Variants in KDM5A observed in about 807,000 individuals in gnomAD.
The protein encoded by KDM5A is lysine-specific demethylase 5A.
A neutral mutation model predicts 193.5 loss-of-function variants in KDM5A; 42 were observed. The ratio of observed to expected loss-of-function variants is 0.22; its 90% CI spans 0.17 to 0.28. The LOEUF is 0.28. Ranked by LOEUF, KDM5A falls within the 10% of genes least tolerant of loss-of-function variation. The probability of loss-of-function intolerance (pLI) is 1.00; values close to 1 mark genes in which losing one functional copy is unlikely to be tolerated. For synonymous variants in KDM5A, 796 were observed against 718.1 expected (o/e 1.11, Z -1.73); for missense variants, 1,692 against 2,055.1 (o/e 0.82, Z 3.42).
chr12:336,940 T>C (rs1390659899), intron 10 of KDM5A, among the ~76,000 whole-genome samples: 1 of 152,080 alleles, frequency 6.6e-6, no homozygotes, highest in Non-Finnish European at 1.5e-5. Context: ...GTGATCATCA[T>C]GGGTTTGGAT....
At chr12:383,549 G>A (rs1032927316) in intron 3 of KDM5A, among the ~76,000 whole-genome samples, 1 of 151,890 alleles carries the variant, frequency 6.6e-6, no homozygotes, top group Non-Finnish European at 1.5e-5. Context: ...AAAAAAAGAT[G>A]ACAAGCTCAA....
chr12:288,891 A>C (rs191232543), intron 27 of KDM5A, among the ~76,000 whole-genome samples: 1 of 152,378 alleles, frequency 6.6e-6, no homozygotes, highest in Admixed American at 6.5e-5. Flanking sequence ...TGGGACAGTT[A>C]GTCACTCTAG....
chr12:292,277 G>A (rs1398482125), intron 27 of KDM5A, among the ~76,000 whole-genome samples: 1 of 152,138 alleles, frequency 6.6e-6, no homozygotes, highest in Non-Finnish European at 1.5e-5. Flanking sequence ...CCATTTAGGA[G>A]GGTGCCCACA....
chr12:388,099 CA>C (rs896898655), intron 1 of KDM5A: 3 of 253,210 alleles, frequency 1.2e-5, no homozygotes, highest in African/African-American at 6.7e-5. Flanking sequence ...GACCCTGGTG[CA>C]AGTGGTCCAG....
At chr12:344,938 G>A (rs1207620636) in intron 10 of KDM5A, among the ~76,000 whole-genome samples, 1 of 152,092 alleles carries the variant, frequency 6.6e-6, no homozygotes. Flanking sequence ...AATGTAAATG[G>A]GCTAAATGCC....
chr12:320,354 G>A (rs980118899), intron 18 of KDM5A, among the ~76,000 whole-genome samples: 1 of 152,048 alleles, frequency 6.6e-6, no homozygotes, highest in African/African-American at 2.4e-5. Flanking sequence ...AAATTAGCTG[G>A]GCATAGTGGC....
chr12:361,599 G>A (rs1442195632), intron 5 of KDM5A, among the ~76,000 whole-genome samples: 1 of 152,144 alleles, frequency 6.6e-6, no homozygotes, highest in Non-Finnish European at 1.5e-5. Context: ...CTGGTGATTG[G>A]TTAGATGGAC....
chr12:355,862 T>C (rs1476490409), intron 6 of KDM5A, among the ~76,000 whole-genome samples: 3 of 152,224 alleles, frequency 2.0e-5, no homozygotes, highest in Non-Finnish European at 4.4e-5. Context: ...CTAATCTTTG[T>C]TAAACAGTTT....
chr12:360,321 T>A (rs1372762496), intron 5 of KDM5A, among the ~76,000 whole-genome samples: 9 of 151,010 alleles, frequency 6.0e-5, no homozygotes, highest in African/African-American at 2.2e-4. Flanking sequence ...CAGGCAGTAC[T>A]TGAAATCACA....
rs374793802 is a variant in KDM5A, at chr12:385,934, C to T, written c.206G>A (p.Arg69His). ...CAGGCGCTGGACTCTTGGAGTGAAA[C>T]GAAAGCTTTTTACTTCACAGGCAAA... ...PPFACEVKSFRFTPRVQRLNE... is the reference protein window; with the variant it reads ...PPFACEVKSFHFTPRVQRLNE... The change falls in exon 2 of 28, where the codon CGT becomes CAT. Residue 69 changes from arginine to histidine, a missense_variant. Arg to His is a conservative substitution (Grantham distance 29). Around this residue, in one of 11 missense-constraint regions of KDM5A, gnomAD observed 120 missense variants for 172.0 expected, o/e 0.70. Transcript: ENST00000399788. 4.8e-5 allele frequency: 77 copies of T among 1,613,672 alleles called. No homozygotes were observed. The highest frequency in any genetic ancestry group is 5.8e-5 in the Non-Finnish European group (69 of 1,179,878).
At chr12:377,274 T>C (rs776105749) in intron 3 of KDM5A, among the ~76,000 whole-genome samples, 8 of 151,964 alleles carry the variant, frequency 5.3e-5, no homozygotes, top group Non-Finnish European at 7.4e-5. Context: ...ATGTCTAACA[T>C]CTAACTAATA....
Position 292,822 on chromosome 12 carries a change from C to T in KDM5A, c.4803G>A (p.Glu1601=), listed in dbSNP as rs755372333. 1.9e-6 allele frequency: 3 copies of T among 1,614,146 alleles called. No individual in the cohort carries two copies. The highest frequency in any genetic ancestry group is 2.5e-6 in the Non-Finnish European group (3 of 1,180,050). ...ACACAGCATTCTCATCATCAGACTCCTCTGCTCCTGACCAGTCATACTTTG... is the reference window on the plus strand; with the variant it reads ...ACACAGCATTCTCATCATCAGACTCTTCTGCTCCTGACCAGTCATACTTTG... ...IPSKYDWSGA[E]ESDDENAVCA... Residue 1601 remains glutamate, a synonymous_variant, in exon 27 of 28, where the codon GAG becomes GAA. Transcript: ENST00000399788.
chr12:314,015 A>G (rs1943620969), intron 19 of KDM5A, among the ~76,000 whole-genome samples: 1 of 152,116 alleles, frequency 6.6e-6, no homozygotes, highest in African/African-American at 2.4e-5. Context: ...AGAGTGGGGC[A>G]GGAAAAAGGA....
intron 27 of KDM5A, among the ~76,000 whole-genome samples, chr12:289,189 A>C (rs1307644721): frequency 6.6e-6 from 1 of 152,194 alleles, no homozygotes; most frequent in East Asian, 1.9e-4. Flanking sequence ...GAAGAGAAAA[A>C]GACTATTTTC....
At chr12:342,854 G>A (rs1356255685) in intron 10 of KDM5A, among the ~76,000 whole-genome samples, 3 of 151,594 alleles carry the variant, frequency 2.0e-5, no homozygotes, top group Non-Finnish European at 4.4e-5. Flanking sequence ...AGCTTCCAGC[G>A]TGCTCAACGC....
intron 20 of KDM5A, 54 bp from the exon 21 acceptor site, chr12:311,118 A>G: frequency 6.5e-7 from 1 of 1,543,114 alleles, no homozygotes; most frequent in African/African-American, 1.4e-5. Flanking sequence ...GGGTTTGGCA[A>G]TATACTGTTG....
At position 308,007 on chromosome 12, in the gene KDM5A, T is replaced by C. The variant is rs767552662; in HGVS notation, c.3379-2A>G. ...CTCCCGTTCTTTGAAAACTGCCACCTGTACAAGACAAACATTTAATTGAAA... is the reference window on the plus strand; with the variant it reads ...CTCCCGTTCTTTGAAAACTGCCACCCGTACAAGACAAACATTTAATTGAAA... On this transcript the variant is annotated splice_acceptor_variant, in intron 22 of 27. Coordinates refer to ENST00000399788, the MANE Select transcript of KDM5A (RefSeq NM_001042603.3). LOFTEE classifies it high-confidence loss of function. 6.2e-7 allele frequency: 1 copy of C among 1,613,760 alleles called. No homozygotes were observed. Among genetic ancestry groups the C allele is most frequent in the Non-Finnish European group, 8.5e-7 (1 of 1,179,898 alleles).
intron 3 of KDM5A, among the ~76,000 whole-genome samples, chr12:379,343 C>T (rs965899818): frequency 2.6e-5 from 4 of 152,054 alleles, no homozygotes; most frequent in African/African-American, 9.7e-5. Context: ...AATAGTCACC[C>T]AATGATAAAG....
In KDM5A at chr12:307,569, G is replaced by C. The variant is rs1388597811; in HGVS notation, c.3815C>G (p.Ala1272Gly). 6.2e-7 allele frequency: 1 copy of C among 1,614,108 alleles called. No homozygotes were observed. ...GCTCAACACAGATAGTTTGGCCAGG[G>C]CAGAGGATAGTTCATCTGTGGCTAG... ...QALATDELSS[A>G]LAKLSVLSQR... Residue 1272 changes from alanine to glycine, a missense_variant, in exon 23 of 28, where the codon GCC (alanine) becomes GGC (glycine). By Grantham distance (60) the Ala-to-Gly change is moderately conservative. Transcript: ENST00000399788. The surrounding 1 kb of genome is among the most constrained non-coding windows in gnomAD (Gnocchi z 4.3).
Sources: allele counts gnomAD v4.1 joint callset (sites outside exome capture counted in the v4.1 genomes callset), GRCh38; gene constraint gnomAD v4.1.1; regional missense constraint gnomAD v4.1.1; non-coding constraint Gnocchi (gnomAD v3.1); transcripts MANE v1.5; gene names NCBI Gene and HGNC (gene_info 2026-07-23, HGNC 2026-07-21).